The following PAPPA2 variants were observed in gnomAD, a reference collection of about 807,000 sequenced individuals.
PAPPA2 encodes the protein pappalysin 2, also known as pappalysin-2.
Under a neutral mutation model 176.4 loss-of-function variants are expected in PAPPA2, and 86 were observed. That is an observed-to-expected ratio of 0.49 (90% CI 0.41 to 0.58). The LOEUF is 0.58. PAPPA2 is among the 20% of genes least tolerant of loss of function. The pLI is 0.00. For missense variants in PAPPA2, 2,073 were observed against 2,256.9 expected, an observed-to-expected ratio of 0.92 and a Z score of 1.65; for synonymous variants, 809 against 852.2, an observed-to-expected ratio of 0.95 and a Z score of 0.88.
intron 21 of PAPPA2, among the ~76,000 whole-genome samples, chr1:176,839,942 G>C (rs1667420962): frequency 6.6e-6 from 1 of 152,150 alleles, no homozygotes. Flanking sequence ...TCAGACCTTA[G>C]AGTAGGCCAG....
At chr1:176,500,245 A>G (rs985463357) in intron 1 of PAPPA2, among the ~76,000 whole-genome samples, 13 of 152,044 alleles carry the variant, frequency 8.6e-5, no homozygotes, top group Non-Finnish European at 1.5e-4. Context: ...TTACTTTTAC[A>G]GTTCCATGTA....
intron 21 of PAPPA2, among the ~76,000 whole-genome samples, chr1:176,834,117 A>C (rs1341135935): frequency 6.6e-6 from 1 of 152,250 alleles, no homozygotes; most frequent in Admixed American, 6.5e-5. Flanking sequence ...AACCTACATC[A>C]GTCACTAAAC....
At chr1:176,795,194 T>A (rs1022047073) in intron 20 of PAPPA2, among the ~76,000 whole-genome samples, 3 of 152,188 alleles carry the variant, frequency 2.0e-5, no homozygotes, top group Non-Finnish European at 4.4e-5. Context: ...TCCCTTTTTT[T>A]TCTAGATTCT....
intron 12 of PAPPA2, among the ~76,000 whole-genome samples, chr1:176,735,688 CTATCT>C (rs1452764115): frequency 8.7e-5 from 6 of 68,744 alleles, no homozygotes; most frequent in South Asian, 8.2e-4. Context: ...ATCTATCTAT[CTATCT>C]ATCTATCTAT....
At chr1:176,492,660 C>T (rs1309819053) in intron 1 of PAPPA2, among the ~76,000 whole-genome samples, 3 of 152,050 alleles carry the variant, frequency 2.0e-5, no homozygotes, top group African/African-American at 4.8e-5. Context: ...TACTCTTTCA[C>T]GTTGGAGAGA....
chr1:176,747,548 A>G (rs535725617), intron 14 of PAPPA2, among the ~76,000 whole-genome samples: 1 of 152,212 alleles, frequency 6.6e-6, no homozygotes, highest in African/African-American at 2.4e-5. Context: ...AAGAAAAAAA[A>G]TCTGAGGAAA....
At chr1:176,546,612 A>G (rs1013403053) in intron 1 of PAPPA2, among the ~76,000 whole-genome samples, 2 of 152,238 alleles carry the variant, frequency 1.3e-5, no homozygotes, top group African/African-American at 2.4e-5. Flanking sequence ...AATTGGACTC[A>G]GTAGCAATAA....
rs762298689 is a variant in PAPPA2 at position 176,556,848 on chromosome 1, A to C, written c.526A>C (p.Ile176Leu). Reference sequence around the variant, plus strand: ...CATGGCTGCCACTACTACCACCGCCATTTTCACAACCCTGAACGAACCCAA... The same window carrying C: ...CATGGCTGCCACTACTACCACCGCCCTTTTCACAACCCTGAACGAACCCAA... The part of the protein sequence containing the change: ...SAMAATTTTA[I>L]FTTLNEPKPE... The change falls in exon 2 of 23, where the codon ATT (isoleucine) becomes CTT (leucine). Residue 176 changes from isoleucine (I) to leucine (L), a missense_variant. Coordinates refer to ENST00000367662, the MANE Select transcript of PAPPA2 (RefSeq NM_020318.3). 2 of 1,614,042 alleles carry C rather than the reference A, an allele frequency of 1.2e-6. No individual in the cohort carries two copies. Among genetic ancestry groups the C allele is most frequent in the South Asian group, 2.2e-5 (2 of 91,070 alleles).
At chr1:176,725,983 T>C (rs972655561) in intron 12 of PAPPA2, among the ~76,000 whole-genome samples, 2 of 152,160 alleles carry the variant, frequency 1.3e-5, no homozygotes, top group Non-Finnish European at 2.9e-5. Flanking sequence ...AGTTTCACCG[T>C]GTTAGCCAGG....
intron 4 of PAPPA2, among the ~76,000 whole-genome samples, chr1:176,682,816 C>T (rs1659649327): frequency 6.6e-6 from 1 of 152,034 alleles, no homozygotes; most frequent in Non-Finnish European, 1.5e-5. Context: ...AGTTTTATAA[C>T]TTTGTCTGCT....
intron 7 of PAPPA2, 125 bp downstream of exon 7, chr1:176,695,984 G>A (rs1571189009): frequency 2.9e-6 from 2 of 682,868 alleles, no homozygotes; most frequent in Non-Finnish European, 4.1e-6. Flanking sequence ...GTGTGTGTGT[G>A]TGTGTGTGTG....
intron 21 of PAPPA2, among the ~76,000 whole-genome samples, chr1:176,822,677 G>T (rs1439088750): frequency 6.6e-6 from 1 of 152,090 alleles, no homozygotes; most frequent in African/African-American, 2.4e-5. Flanking sequence ...CCAATTGAAG[G>T]TCCTAACAAA....
intron 1 of PAPPA2, among the ~76,000 whole-genome samples, chr1:176,494,122 C>CT (rs1466359569): frequency 6.6e-6 from 1 of 152,170 alleles, no homozygotes; most frequent in Non-Finnish European, 1.5e-5. Flanking sequence ...ACTGAATACT[C>CT]TAAGAATGCT....
At chr1:176,530,062 TA>T (rs1208659434) in intron 1 of PAPPA2, among the ~76,000 whole-genome samples, 5 of 152,144 alleles carry the variant, frequency 3.3e-5, no homozygotes, top group Admixed American at 3.3e-4. Flanking sequence ...GGGCATGTGA[TA>T]GGGGCCACAA....
At chr1:176,720,031 T>C (rs908710633) in intron 12 of PAPPA2, among the ~76,000 whole-genome samples, 3 of 152,226 alleles carry the variant, frequency 2.0e-5, no homozygotes, top group African/African-American at 7.2e-5. Context: ...ATGAAGTTGG[T>C]ACTTTATATA....
At chr1:176,504,115 G>C (rs1407585968) in intron 1 of PAPPA2, among the ~76,000 whole-genome samples, 2 of 151,910 alleles carry the variant, frequency 1.3e-5, no homozygotes, top group African/African-American at 2.4e-5. Flanking sequence ...TACCCTCTAT[G>C]ACATACTGTG....
At chr1:176,552,954 G>C (rs1651051979) in intron 1 of PAPPA2, among the ~76,000 whole-genome samples, 1 of 152,130 alleles carries the variant, frequency 6.6e-6, no homozygotes, top group Non-Finnish European at 1.5e-5. Flanking sequence ...CTTGGGGTGT[G>C]GGTGTTTGTC....
At chr1:176,775,376 C>T (rs189421610) in intron 17 of PAPPA2, among the ~76,000 whole-genome samples, 49 of 151,992 alleles carry the variant, frequency 3.2e-4, no homozygotes, top group Admixed American at 1.0e-3. Context: ...GATAGAGATC[C>T]CTGTTTCAAA....
intron 1 of PAPPA2, among the ~76,000 whole-genome samples, chr1:176,483,279 C>A (rs1454956655): frequency 6.6e-6 from 1 of 151,934 alleles, no homozygotes; most frequent in Non-Finnish European, 1.5e-5. Context: ...GAAACAAATA[C>A]AATACAAAGA....
Sources: gnomAD v4.1 joint callset for allele counts (sites outside exome capture counted in the v4.1 genomes callset) on GRCh38, gnomAD v4.1.1 for gene constraint, MANE v1.5 for transcripts, NCBI Gene and HGNC (gene_info 2026-07-23, HGNC 2026-07-21) for gene names.